Variants in DOCK1 observed in about 807,000 individuals in gnomAD.
DOCK1 encodes the protein dedicator of cytokinesis protein 1.
Under a neutral mutation model 262.7 loss-of-function variants are expected in DOCK1, and 138 were observed. The ratio of observed to expected loss-of-function variants is 0.53; its 90% CI spans 0.46 to 0.61. The LOEUF (loss-of-function observed/expected upper bound fraction) is 0.61. Ranked by LOEUF, DOCK1 falls within the 20% of genes least tolerant of loss-of-function variation. The pLI is 0.00. For synonymous variants in DOCK1, 866 were observed against 867.4 expected (o/e 1.00, Z 0.03); for missense variants, 1,908 against 2,370.7 (o/e 0.80, Z 4.05).
chr10:127,411,112 A>G (rs796271714), intron 43 of DOCK1, among the ~76,000 whole-genome samples, 188 bp downstream of exon 43: 8 of 152,310 alleles, frequency 5.3e-5, no homozygotes, highest in African/African-American at 1.9e-4. Context: ...CCATTTCACT[A>G]ACAATATGAC....
intron 43 of DOCK1, 26 bp from the exon 44 acceptor site, chr10:127,415,126 G>A (rs769206695): frequency 6.2e-7 from 1 of 1,601,938 alleles, no homozygotes; most frequent in South Asian, 1.1e-5. Context: ...TCTAACCCGT[G>A]TTGTGTGTGT....
At chr10:127,435,969 G>A (rs1009701290) in intron 48 of DOCK1, among the ~76,000 whole-genome samples, 1 of 152,108 alleles carries the variant, frequency 6.6e-6, no homozygotes, top group Admixed American at 6.5e-5. Context: ...CACAACCCGG[G>A]TCTTCTCCCT....
At chr10:126,987,894 A>G (rs911091325) in intron 5 of DOCK1, among the ~76,000 whole-genome samples, 1 of 152,044 alleles carries the variant, frequency 6.6e-6, no homozygotes, top group African/African-American at 2.4e-5. Context: ...TGGAAGGAGA[A>G]ATGTGGTTGT....
chr10:127,335,107 C>T (rs1336122343), intron 29 of DOCK1, among the ~76,000 whole-genome samples: 1 of 152,198 alleles, frequency 6.6e-6, no homozygotes, highest in African/African-American at 2.4e-5. Context: ...TCATTCATTC[C>T]TGTGTCAGTT....
intron 23 of DOCK1, among the ~76,000 whole-genome samples, chr10:127,063,715 C>T (rs183401416): frequency 6.6e-6 from 1 of 152,150 alleles, no homozygotes; most frequent in Non-Finnish European, 1.5e-5. Flanking sequence ...TTGAGCCCAG[C>T]AGTAATTTTA....
intron 27 of DOCK1, among the ~76,000 whole-genome samples, chr10:127,202,221 G>A (rs1219032807): frequency 6.6e-6 from 1 of 152,084 alleles, no homozygotes; most frequent in East Asian, 1.9e-4. Flanking sequence ...TAGTCGGTAA[G>A]CTGAGGCAGT....
chr10:127,138,020 A>G lies in DOCK1; in HGVS notation c.2847+10256A>G, dbSNP rs773054236. 5.0e-6 allele frequency: 8 copies of G among 1,604,508 alleles called. 1 individual carries two copies. The East Asian group carries it at 6.7e-5, about 13-fold the overall frequency. On this transcript the variant is annotated intron_variant, in intron 27 of 51. Coordinates refer to ENST00000623213, the MANE Select transcript of DOCK1 (RefSeq NM_001290223.2). Reference sequence around the variant, plus strand: ...CTTGCTGCTTAAAATCCAGCTCCACACTAGAAAAGAGAGAGAGTGAAGACT... The same window carrying G: ...CTTGCTGCTTAAAATCCAGCTCCACGCTAGAAAAGAGAGAGAGTGAAGACT...
chr10:126,941,561 C>T (rs2034991000), intron 1 of DOCK1, among the ~76,000 whole-genome samples: 1 of 152,140 alleles, frequency 6.6e-6, no homozygotes, highest in South Asian at 2.1e-4. Context: ...TCGAGACCAT[C>T]CTGGCTAACA....
chr10:127,355,722 T>C (rs1181711130), intron 32 of DOCK1, among the ~76,000 whole-genome samples: 1 of 152,230 alleles, frequency 6.6e-6, no homozygotes, highest in Non-Finnish European at 1.5e-5. Context: ...TTTCACTTGT[T>C]GCACCAGGGT....
chr10:126,999,516 G>T, intron 9 of DOCK1, 81 bp downstream of exon 9: 1 of 1,191,698 alleles, frequency 8.4e-7, no homozygotes, highest in South Asian at 1.3e-5. Flanking sequence ...GCCTTCCTGC[G>T]ACACTAGAAC....
At chr10:127,439,741 T>G (rs1461850266) in intron 49 of DOCK1, among the ~76,000 whole-genome samples, 1 of 152,144 alleles carries the variant, frequency 6.6e-6, no homozygotes, top group African/African-American at 2.4e-5. Context: ...TCTCATCTGC[T>G]CCACCTTTAA....
intron 15 of DOCK1, 141 bp from the exon 16 acceptor site, chr10:127,026,211 A>C (rs747323887): frequency 1.2e-6 from 1 of 821,550 alleles, no homozygotes; most frequent in Non-Finnish European, 1.9e-6. Context: ...TGGAAAAATC[A>C]TATAGGGGAC....
chr10:127,245,297 C>T (rs533192083), intron 27 of DOCK1, among the ~76,000 whole-genome samples: 51 of 152,318 alleles, frequency 3.3e-4, no homozygotes, highest in Non-Finnish European at 5.6e-4. Flanking sequence ...GACTTACTTT[C>T]GCTAAGAAAG....
At chr10:127,028,907 A>G (rs918358805) in intron 16 of DOCK1, among the ~76,000 whole-genome samples, 2 of 152,180 alleles carry the variant, frequency 1.3e-5, no homozygotes, top group African/African-American at 4.8e-5. Context: ...GGCTCCACGC[A>G]TATATCACCT....
chr10:126,939,059 G>T (rs1410691569), intron 1 of DOCK1, among the ~76,000 whole-genome samples: 5 of 100,900 alleles, frequency 5.0e-5, no homozygotes, highest in Non-Finnish European at 1.0e-4. Context: ...ATGAACACCG[G>T]GGGGGGGACG....
At position 127,100,125 on chromosome 10, in the gene DOCK1, G is replaced by T. The variant is rs998376677; in HGVS notation, c.2446-6106G>T. On this transcript the variant is annotated intron_variant, in intron 23 of 51. Coordinates refer to ENST00000623213, the MANE Select transcript of DOCK1 (RefSeq NM_001290223.2). The surrounding 1 kb of genome is among the most constrained non-coding windows in gnomAD (Gnocchi z 5.5). ...CTGTGTCCCATGAGCAGGGGACGTT[G>T]CCACAGTATCTAAATTCCATTTGCA... 6.6e-6 allele frequency among the ~76,000 whole-genome samples: 1 copy of T among 152,182 alleles called. No homozygotes were observed. The highest frequency in any genetic ancestry group is 2.4e-5 in the African/African-American group (1 of 41,446).
At chr10:127,202,714 G>T (rs929445150) in intron 27 of DOCK1, among the ~76,000 whole-genome samples, 2 of 152,208 alleles carry the variant, frequency 1.3e-5, no homozygotes, top group Non-Finnish European at 2.9e-5. Context: ...CAGGTACTCG[G>T]TCCATTGTGG....
At chr10:126,941,485 A>G (rs1055262805) in intron 1 of DOCK1, among the ~76,000 whole-genome samples, 2,052 of 152,300 alleles carry the variant, frequency 0.013, 31 homozygotes, top group African/African-American at 0.04. Flanking sequence ...GGCCGGGCAC[A>G]GTGGCTCATG....
At chr10:127,053,875 G>C (rs981705882) in intron 22 of DOCK1, among the ~76,000 whole-genome samples, 6 of 152,138 alleles carry the variant, frequency 3.9e-5, no homozygotes, top group Non-Finnish European at 8.8e-5. Context: ...CACTCCCTCT[G>C]CTTGTTTTTT....
Sources: gnomAD v4.1 joint callset for allele counts (sites outside exome capture counted in the v4.1 genomes callset) on GRCh38, gnomAD v4.1.1 for gene constraint, Gnocchi (gnomAD v3.1) non-coding constraint, MANE v1.5 for transcripts, NCBI Gene and HGNC (gene_info 2026-07-23, HGNC 2026-07-21) for gene names.